The following SSBP3 variants were observed in gnomAD, a reference collection of about 807,000 sequenced individuals.
SSBP3 encodes single stranded DNA binding protein 3, also known as single-stranded DNA-binding protein 3.
Under a neutral mutation model 69.6 loss-of-function variants are expected in SSBP3, and 5 were observed. That is an observed-to-expected ratio of 0.07 (90% CI 0.04 to 0.15). The LOEUF is 0.15. Among genes scored for constraint, SSBP3 ranks in the 10% least tolerant of loss-of-function variants. SSBP3 has a pLI of 1.00. For missense variants in SSBP3, 312 were observed against 534.0 expected (o/e 0.58, Z 4.10); for synonymous variants, 196 against 193.4 (o/e 1.01, Z -0.11).
chr1:54,324,344 G>A (rs1646264757), intron 4 of SSBP3, among the ~76,000 whole-genome samples: 1 of 152,210 alleles, frequency 6.6e-6, no homozygotes, highest in Admixed American at 6.5e-5. Flanking sequence ...CCTTGGCACA[G>A]CCCCAGCATG....
chr1:54,369,221 G>GGGT (rs1553146718), intron 4 of SSBP3, among the ~76,000 whole-genome samples: 1 of 150,514 alleles, frequency 6.6e-6, no homozygotes, highest in African/African-American at 2.5e-5. Flanking sequence ...CTTGAGTCGG[G>GGGT]GGGGGGGCCC....
At chr1:54,248,294 A>C (rs1349526826) in intron 9 of SSBP3, among the ~76,000 whole-genome samples, 1 of 152,196 alleles carries the variant, frequency 6.6e-6, no homozygotes, top group African/African-American at 2.4e-5. Context: ...GGGCTGTGGC[A>C]GTAGGCAGGG....
intron 4 of SSBP3, among the ~76,000 whole-genome samples, chr1:54,319,383 G>A (rs1366928613): frequency 2.0e-5 from 3 of 152,002 alleles, no homozygotes; most frequent in African/African-American, 7.3e-5. Context: ...GAGTTGCAGA[G>A]TGACCCGCTC....
chr1:54,283,363 G>A (rs1645431887), intron 4 of SSBP3, among the ~76,000 whole-genome samples: 1 of 151,604 alleles, frequency 6.6e-6, no homozygotes, highest in Admixed American at 6.6e-5. Context: ...CTAATATACT[G>A]CATGCAACAA....
intron 4 of SSBP3, among the ~76,000 whole-genome samples, chr1:54,324,422 A>AC (rs1274632058): frequency 7.7e-6 from 1 of 129,182 alleles, no homozygotes. Flanking sequence ...GACAGTCCCC[A>AC]CCCCCACACC....
At chr1:54,304,485 T>A (rs1159739351) in intron 4 of SSBP3, among the ~76,000 whole-genome samples, 3 of 152,016 alleles carry the variant, frequency 2.0e-5, no homozygotes, top group African/African-American at 7.2e-5. Context: ...GTGAAGGGGC[T>A]CCCCAGGGAA....
chr1:54,238,956 C>G, intron 14 of SSBP3, 173 bp downstream of exon 14: 1 of 414,730 alleles, frequency 2.4e-6, no homozygotes, highest in Non-Finnish European at 4.7e-6. Flanking sequence ...CCCTGCCGCC[C>G]ATGAAATGGG....
chr1:54,326,799 T>C (rs1646313139), intron 4 of SSBP3, among the ~76,000 whole-genome samples: 2 of 152,188 alleles, frequency 1.3e-5, no homozygotes, highest in South Asian at 4.1e-4. Flanking sequence ...GTGGGTCTGA[T>C]ACCATTTGTT....
chr1:54,257,755 G>T (rs1218698407), intron 6 of SSBP3, among the ~76,000 whole-genome samples: 2 of 152,126 alleles, frequency 1.3e-5, no homozygotes, highest in Non-Finnish European at 2.9e-5. Context: ...TGCAGCTTCG[G>T]TTACAAACAA....
chr1:54,348,824 C>A (rs1569892926), intron 4 of SSBP3, among the ~76,000 whole-genome samples: 1 of 152,224 alleles, frequency 6.6e-6, no homozygotes, highest in Non-Finnish European at 1.5e-5. Context: ...GTTCACAGGG[C>A]TGCGGAAGTG....
intron 4 of SSBP3, among the ~76,000 whole-genome samples, chr1:54,364,514 G>C (rs1323715941): frequency 1.3e-5 from 2 of 152,180 alleles, no homozygotes; most frequent in Non-Finnish European, 2.9e-5. Context: ...AAGGGGTGAG[G>C]CTTCTCAAAA....
intron 14 of SSBP3, among the ~76,000 whole-genome samples, chr1:54,234,356 T>A (rs1165035335): frequency 1.3e-5 from 2 of 148,652 alleles, no homozygotes; most frequent in African/African-American, 2.5e-5. Context: ...AAAAATAAAT[T>A]AAAAAAAATA....
At chr1:54,410,644 A>T (rs146445551), upstream of SSBP3, among the ~76,000 whole-genome samples, 93 of 152,302 alleles carry the variant, frequency 6.1e-4, 1 homozygote, top group South Asian at 0.016. Flanking sequence ...GGGCCTCCAC[A>T]GGGGGAATAC....
At chr1:54,250,329 T>A (rs1168069453) in intron 9 of SSBP3, among the ~76,000 whole-genome samples, 1 of 152,216 alleles carries the variant, frequency 6.6e-6, no homozygotes, top group Non-Finnish European at 1.5e-5. Context: ...ACACCACAGA[T>A]GTTCCAACCA....
At chr1:54,259,225 A>G (rs1644975927) in intron 5 of SSBP3, among the ~76,000 whole-genome samples, 1 of 151,738 alleles carries the variant, frequency 6.6e-6, no homozygotes, top group African/African-American at 2.4e-5. Context: ...GTTACAAACT[A>G]TGGGTAGAAA....
intron 4 of SSBP3, among the ~76,000 whole-genome samples, chr1:54,358,475 C>T (rs1458293671): frequency 6.6e-6 from 1 of 152,216 alleles, no homozygotes; most frequent in African/African-American, 2.4e-5. Flanking sequence ...TGAGCAACTC[C>T]ACAACTGCTA....
intron 14 of SSBP3, among the ~76,000 whole-genome samples, chr1:54,232,038 G>A (rs1644388466): frequency 1.3e-5 from 2 of 152,162 alleles, no homozygotes; most frequent in Admixed American, 6.5e-5. Context: ...TAAGGACACA[G>A]TTCAATCTCA....
chr1:54,336,095 T>C (rs945893485), intron 4 of SSBP3, among the ~76,000 whole-genome samples: 1 of 152,198 alleles, frequency 6.6e-6, no homozygotes, highest in Non-Finnish European at 1.5e-5. Context: ...AACAGAACCA[T>C]CTCTAAAGTT....
chr1:54,269,112 G>T (rs376727965), intron 5 of SSBP3, among the ~76,000 whole-genome samples: 12 of 152,010 alleles, frequency 7.9e-5, no homozygotes, highest in Non-Finnish European at 1.5e-4. Flanking sequence ...CCTTTCTTTG[G>T]CTCAGCCCTC....
Sources: gnomAD v4.1 joint callset for allele counts (sites outside exome capture counted in the v4.1 genomes callset) on GRCh38, gnomAD v4.1.1 for gene constraint, MANE v1.5 for transcripts, NCBI Gene and HGNC (gene_info 2026-07-23, HGNC 2026-07-21) for gene names.